ARMC9: variants seen among roughly 807,000 people sequenced by gnomAD.
ARMC9 encodes armadillo repeat containing 9.
A neutral mutation model predicts 107.0 loss-of-function variants in ARMC9; 94 were observed. That is an observed-to-expected ratio of 0.88 (90% CI 0.74 to 1.04). ARMC9 has a LOEUF of 1.04. Ranked by LOEUF, ARMC9 falls within the 50% of genes least tolerant of loss-of-function variation. ARMC9 has a pLI of 0.00. For synonymous variants in ARMC9, 380 were observed against 396.9 expected, an observed-to-expected ratio of 0.96 and a Z score of 0.51; for missense variants, 942 against 1,030.1, an observed-to-expected ratio of 0.91 and a Z score of 1.17.
chr2:231,309,013 C>G (rs976599449), intron 19 of ARMC9, among the ~76,000 whole-genome samples: 1 of 152,250 alleles, frequency 6.6e-6, no homozygotes, highest in African/African-American at 2.4e-5. Flanking sequence ...GTGTTACTTG[C>G]AGGACCTTTC....
At chr2:231,312,886 G>T (rs757948328) in intron 19 of ARMC9, among the ~76,000 whole-genome samples, 2 of 152,116 alleles carry the variant, frequency 1.3e-5, no homozygotes, top group Admixed American at 6.6e-5. Flanking sequence ...TTCGGTTCAG[G>T]CTTGCTTTTT....
chr2:231,220,336 G>T (rs62197333), intron 5 of ARMC9, among the ~76,000 whole-genome samples: 201 of 151,820 alleles, frequency 1.3e-3, no homozygotes, highest in African/African-American at 4.4e-3. Context: ...GTGGCTTACA[G>T]CTCTAATCCT....
intron 9 of ARMC9, among the ~76,000 whole-genome samples, chr2:231,246,596 AGTTCACTGCT>A (rs2036788144): frequency 6.6e-6 from 1 of 152,092 alleles, no homozygotes. Context: ...TTCCTTATCC[AGTTCACTGCT>A]GATGGGCACC....
chr2:231,267,163 C>G (rs2038923201), intron 12 of ARMC9, among the ~76,000 whole-genome samples: 1 of 152,182 alleles, frequency 6.6e-6, no homozygotes, highest in Non-Finnish European at 1.5e-5. Context: ...GGAGAGAGTC[C>G]TGGGAAACAC....
At position 231,206,244 on chromosome 2, in the gene ARMC9, G is replaced by A; in HGVS notation, c.6G>A (p.Gly2=). The A allele has an allele frequency of 6.2e-7, 1 of 1,613,560 alleles. No homozygotes were observed. Among genetic ancestry groups the A allele is most frequent in the Admixed American group, 1.7e-5 (1 of 59,998 alleles). ...ATTACCAGTAACAGTTCAATATGGG[G>A]GACATTCTGGCTCATGAATCTGAAT... The part of the protein sequence containing the change: M[G]DILAHESELL... Residue 2 remains glycine (G), a synonymous_variant, in exon 2 of 25, where the codon GGG becomes GGA. Transcript: ENST00000611582.
intron 16 of ARMC9, among the ~76,000 whole-genome samples, chr2:231,280,946 C>T (rs1443561108): frequency 6.6e-6 from 1 of 152,126 alleles, no homozygotes; most frequent in Non-Finnish European, 1.5e-5. Context: ...ATCAGCTTGG[C>T]AAGCATTGAA....
At chr2:231,335,459 C>G (rs2044022970) in intron 20 of ARMC9, among the ~76,000 whole-genome samples, 1 of 152,166 alleles carries the variant, frequency 6.6e-6, no homozygotes, top group South Asian at 2.1e-4. Context: ...CACCTGTTCC[C>G]TGCAGGGCCA....
chr2:231,222,650 G>A lies in ARMC9; in HGVS notation c.505-78G>A, dbSNP rs547038812. On this transcript the variant is annotated intron_variant, in intron 5 of 24. Coordinates refer to ENST00000611582, the MANE Select transcript of ARMC9 (RefSeq NM_001352754.2). ...TTCAATCACTGTGCAGGGTTTTTTA[G>A]CCTAATGACCTCAACTTGATGATGC... 30 of 791,364 alleles carry A rather than the reference G, an allele frequency of 3.8e-5. No individual in the cohort carries two copies. The East Asian group carries it at 4.9e-4, about 13-fold the overall frequency. 49.0% of individuals were successfully genotyped at this position (791,364 alleles called of 1,614,324 possible).
chr2:231,257,578 G>GT (rs2037948808), intron 10 of ARMC9, among the ~76,000 whole-genome samples: 1 of 152,154 alleles, frequency 6.6e-6, no homozygotes, highest in Admixed American at 6.5e-5. Flanking sequence ...TTTGGCAGCA[G>GT]TATCACTGCA....
chr2:231,205,951 C>A (rs1217539013), intron 1 of ARMC9, among the ~76,000 whole-genome samples: 1 of 152,202 alleles, frequency 6.6e-6, no homozygotes, highest in African/African-American at 2.4e-5. Flanking sequence ...CCTCCCTCTG[C>A]TGTGACTGCC....
At chr2:231,344,847 T>C (rs2044720992) in intron 20 of ARMC9, 128 bp from the exon 21 acceptor site, 3 of 973,458 alleles carry the variant, frequency 3.1e-6, no homozygotes, top group Admixed American at 2.4e-5. Flanking sequence ...TGTGACATGA[T>C]CCTTCCTCAT....
intron 9 of ARMC9, among the ~76,000 whole-genome samples, chr2:231,251,760 C>G (rs2037319684): frequency 6.6e-6 from 1 of 152,174 alleles, no homozygotes; most frequent in African/African-American, 2.4e-5. Flanking sequence ...GGGTCTTGCT[C>G]TGTCACCAAG....
intron 12 of ARMC9, among the ~76,000 whole-genome samples, chr2:231,266,206 G>A (rs920705579): frequency 6.6e-6 from 1 of 152,076 alleles, no homozygotes; most frequent in African/African-American, 2.4e-5. Context: ...TCTCCTGGAG[G>A]TCTCATTAAA....
intron 19 of ARMC9, among the ~76,000 whole-genome samples, chr2:231,306,789 A>G (rs1021481878): frequency 1.3e-5 from 2 of 152,240 alleles, no homozygotes; most frequent in Non-Finnish European, 2.9e-5. Context: ...AGGAGACAAT[A>G]AGAAACAACA....
chr2:231,355,992 G>C (rs958318948), intron 22 of ARMC9, 58 bp downstream of exon 22: 110 of 1,488,628 alleles, frequency 7.4e-5, no homozygotes, highest in Non-Finnish European at 9.3e-5. Flanking sequence ...TAGAACCTAC[G>C]CAAAACAGCA....
intron 2 of ARMC9, among the ~76,000 whole-genome samples, chr2:231,207,044 G>A (rs954666429): frequency 3.3e-5 from 5 of 152,174 alleles, no homozygotes; most frequent in Admixed American, 1.3e-4. Flanking sequence ...TTGTTCTGCC[G>A]CCTAGGCTGG....
In ARMC9 at chr2:231,297,415, G is replaced by A. The variant is rs539068572; in HGVS notation, c.1773+1162G>A. Reference sequence around the variant, plus strand: ...TAAAATTGGGTTTAGAACAGGAGTCGGCAGACACTTTGTGTAAAGGAAAAG... The same window carrying A: ...TAAAATTGGGTTTAGAACAGGAGTCAGCAGACACTTTGTGTAAAGGAAAAG... On this transcript the variant is annotated intron_variant, in intron 19 of 24. Transcript: ENST00000611582. The surrounding 1 kb of genome is among the most constrained non-coding windows in gnomAD (Gnocchi z 4.2). Among the ~76,000 whole-genome samples, 4 of 152,232 alleles carry A rather than the reference G, an allele frequency of 2.6e-5. No homozygotes were observed. The highest frequency in any genetic ancestry group is 4.2e-4 in the South Asian group (2 of 4,816).
intron 3 of ARMC9, among the ~76,000 whole-genome samples, chr2:231,211,950 C>G (rs1274657993): frequency 2.0e-5 from 3 of 152,068 alleles, no homozygotes; most frequent in African/African-American, 7.3e-5. Context: ...CTGTGTCCCC[C>G]ACTATGGTAG....
At chr2:231,288,109 G>T (rs2040731739) in intron 17 of ARMC9, among the ~76,000 whole-genome samples, 2 of 152,312 alleles carry the variant, frequency 1.3e-5, no homozygotes, top group African/African-American at 2.4e-5. Flanking sequence ...AAGCATTGAA[G>T]GAGCTCATAA....
Sources: gnomAD v4.1 joint callset for allele counts (sites outside exome capture counted in the v4.1 genomes callset) on GRCh38, gnomAD v4.1.1 for gene constraint, Gnocchi (gnomAD v3.1) non-coding constraint, MANE v1.5 for transcripts, NCBI Gene and HGNC (gene_info 2026-07-23, HGNC 2026-07-21) for gene names.